The following TGFBR3 variants were observed in gnomAD, a reference collection of about 807,000 sequenced individuals.
The protein encoded by TGFBR3 is transforming growth factor beta receptor type 3.
Under a neutral mutation model 87.9 loss-of-function variants are expected in TGFBR3, and 46 were observed. The observed-to-expected ratio is 0.52, with a 90% CI of 0.41 to 0.67. TGFBR3 has a LOEUF of 0.67. Among genes scored for constraint, TGFBR3 ranks in the 30% least tolerant of loss-of-function variants. The pLI is 0.00. For synonymous variants in TGFBR3, 381 were observed against 391.6 expected (o/e 0.97, Z 0.32); for missense variants, 866 against 1,041.9 (o/e 0.83, Z 2.32).
chr1:91,849,723 A>G (rs1003994282), intron 2 of TGFBR3, among the ~76,000 whole-genome samples: 6 of 152,220 alleles, frequency 3.9e-5, no homozygotes, highest in Non-Finnish European at 7.3e-5. Context: ...TCTGAAATAC[A>G]ATAGGTACTC....
chr1:91,875,910 CAAAA>C (rs34185299), intron 1 of TGFBR3, among the ~76,000 whole-genome samples: 2 of 64,150 alleles, frequency 3.1e-5, no homozygotes, highest in Admixed American at 1.9e-4. Context: ...GACTCCGTCT[CAAAA>C]AAAAAAAAAA....
At chr1:91,741,306 C>T (rs115763819) in intron 4 of TGFBR3, among the ~76,000 whole-genome samples, 4 of 152,088 alleles carry the variant, frequency 2.6e-5, no homozygotes, top group Non-Finnish European at 5.9e-5. Flanking sequence ...AACTCAAGAA[C>T]AGCAGCCAGA....
In TGFBR3 at chr1:91,810,988, T is replaced by C. The variant is rs17883116; in HGVS notation, c.62-13517A>G. 4.1e-3 allele frequency among the ~76,000 whole-genome samples: 631 copies of C among 152,180 alleles called. 4 individuals are homozygous for C. The highest frequency in any genetic ancestry group is 0.015 in the African/African-American group (613 of 41,530). ...TCTAGCAGGCAGGATGAAAAGAAAA[T>C]ATGATGCTCACATAGATATCATAAA... On this transcript the variant is annotated intron_variant, in intron 2 of 16. Coordinates refer to ENST00000212355, the MANE Select transcript of TGFBR3 (RefSeq NM_003243.5).
At chr1:91,732,367 G>A (rs1361303358) in intron 5 of TGFBR3, among the ~76,000 whole-genome samples, 5 of 152,096 alleles carry the variant, frequency 3.3e-5, no homozygotes, top group Non-Finnish European at 5.9e-5. Flanking sequence ...CTGACTGCTG[G>A]GTCCCACCCC....
chr1:91,830,829 T>C (rs926246342), intron 2 of TGFBR3, among the ~76,000 whole-genome samples: 1 of 152,132 alleles, frequency 6.6e-6, no homozygotes, highest in Non-Finnish European at 1.5e-5. Context: ...GGAATGATCC[T>C]GGAAAAGTGA....
intron 16 of TGFBR3, among the ~76,000 whole-genome samples, chr1:91,687,899 A>G (rs753076085): frequency 1.3e-5 from 2 of 152,096 alleles, no homozygotes; most frequent in Non-Finnish European, 2.9e-5. Context: ...AAATAAAGAT[A>G]TTTTCTTCTA....
chr1:91,744,086 CTTTTTT>C (rs144888223), intron 4 of TGFBR3, among the ~76,000 whole-genome samples: 1 of 135,930 alleles, frequency 7.4e-6, no homozygotes, highest in Non-Finnish European at 1.6e-5. Context: ...ATTTTACTTA[CTTTTTT>C]TTTTTTTTTT....
At chr1:91,810,658 G>A (rs1035261615) in intron 2 of TGFBR3, among the ~76,000 whole-genome samples, 1 of 152,086 alleles carries the variant, frequency 6.6e-6, no homozygotes, top group African/African-American at 2.4e-5. Flanking sequence ...ATTCTCTAAG[G>A]ACTATGGAGC....
intron 1 of TGFBR3, among the ~76,000 whole-genome samples, chr1:91,865,202 C>CAAAAA (rs67134125): frequency 4.8e-5 from 5 of 105,256 alleles, no homozygotes; most frequent in African/African-American, 1.9e-4. Flanking sequence ...GACTCCATCT[C>CAAAAA]AAAAAAAAAA....
At chr1:91,869,501 C>T (rs1200363385) in intron 1 of TGFBR3, among the ~76,000 whole-genome samples, 1 of 152,114 alleles carries the variant, frequency 6.6e-6, no homozygotes, top group South Asian at 2.1e-4. Flanking sequence ...CACATCTCTA[C>T]AAGAAATACA....
chr1:91,780,598 T>A (rs2100962486), intron 3 of TGFBR3, among the ~76,000 whole-genome samples: 1 of 144,360 alleles, frequency 6.9e-6, no homozygotes, highest in African/African-American at 2.5e-5. Context: ...TCACTCTTGT[T>A]GCCCAGGCTG....
chr1:91,814,516 C>A (rs1026211677), intron 2 of TGFBR3, among the ~76,000 whole-genome samples: 4 of 152,062 alleles, frequency 2.6e-5, no homozygotes, highest in Admixed American at 2.6e-4. Context: ...CTATGCTCAA[C>A]CCCTTTTTAC....
At chr1:91,805,486 T>C (rs532753997) in intron 2 of TGFBR3, among the ~76,000 whole-genome samples, 1 of 152,312 alleles carries the variant, frequency 6.6e-6, no homozygotes, top group South Asian at 2.1e-4. Context: ...AAGATGCTAC[T>C]TCTACTGACA....
intron 3 of TGFBR3, among the ~76,000 whole-genome samples, chr1:91,793,180 G>A (rs1439901202): frequency 1.3e-5 from 2 of 150,250 alleles, no homozygotes; most frequent in East Asian, 2.0e-4. Context: ...ACTTTTGGGT[G>A]TAGGCTCTGT....
At chr1:91,796,369 G>T (rs781050963) in intron 3 of TGFBR3, among the ~76,000 whole-genome samples, 1 of 152,186 alleles carries the variant, frequency 6.6e-6, no homozygotes, top group South Asian at 2.1e-4. Context: ...TAGGATTCAT[G>T]GAGTTACTGT....
intron 2 of TGFBR3, among the ~76,000 whole-genome samples, chr1:91,830,856 G>A (rs146758690): frequency 3.7e-4 from 57 of 152,294 alleles, no homozygotes; most frequent in African/African-American, 1.3e-3. Context: ...AGTTGGGCCA[G>A]TGCTGCTTCT....
At chr1:91,803,111 C>A (rs1010555656) in intron 2 of TGFBR3, among the ~76,000 whole-genome samples, 1 of 152,176 alleles carries the variant, frequency 6.6e-6, no homozygotes, top group South Asian at 2.1e-4. Context: ...CAGATGAAGC[C>A]CCAAAACCTC....
intron 16 of TGFBR3, among the ~76,000 whole-genome samples, chr1:91,684,497 C>T (rs1411772095): frequency 6.6e-6 from 1 of 152,154 alleles, no homozygotes; most frequent in Non-Finnish European, 1.5e-5. Context: ...CTGCAGTTGC[C>T]AGCGAATGGC....
intron 16 of TGFBR3, among the ~76,000 whole-genome samples, chr1:91,689,840 T>TAA (rs545760131): frequency 2.3e-4 from 23 of 99,234 alleles, no homozygotes; most frequent in South Asian, 3.8e-4. Flanking sequence ...AGAAACTGAT[T>TAA]AAAAAAAAAA....
Sources: gnomAD v4.1 joint callset for allele counts (sites outside exome capture counted in the v4.1 genomes callset) on GRCh38, gnomAD v4.1.1 for gene constraint, MANE v1.5 for transcripts, NCBI Gene and HGNC (gene_info 2026-07-23, HGNC 2026-07-21) for gene names.